GULP1: variants seen among roughly 807,000 people sequenced by gnomAD.
GULP1 encodes the protein GULP PTB domain containing engulfment adaptor 1, also known as PTB domain-containing engulfment adapter protein 1.
Under a neutral mutation model 40.9 loss-of-function variants are expected in GULP1, and 19 were observed. The observed-to-expected ratio is 0.46, with a 90% CI of 0.32 to 0.68. The LOEUF is 0.68. Ranked by LOEUF, GULP1 falls within the 30% of genes least tolerant of loss-of-function variation. The pLI, the probability that GULP1 is intolerant of heterozygous loss-of-function variation, is 0.03. For synonymous variants in GULP1, 119 were observed against 117.6 expected (o/e 1.01, Z -0.08); for missense variants, 312 against 362.2 (o/e 0.86, Z 1.12).
chr2:188,294,865 T>C, intron 1 of GULP1, among the ~76,000 whole-genome samples: 1 of 152,196 alleles, frequency 6.6e-6, no homozygotes, highest in Non-Finnish European at 1.5e-5. Flanking sequence ...GCTGACTCAG[T>C]TGAGTTTATG....
chr2:188,365,078 C>G (rs1294546126), intron 1 of GULP1, among the ~76,000 whole-genome samples: 1 of 152,094 alleles, frequency 6.6e-6, no homozygotes, highest in African/African-American at 2.4e-5. Context: ...CTGTTTACAT[C>G]TGTACCAGTG....
chr2:188,484,949 A>G (rs1353252639), intron 4 of GULP1, among the ~76,000 whole-genome samples: 9 of 152,158 alleles, frequency 5.9e-5, no homozygotes, highest in Admixed American at 5.9e-4. Context: ...TGAAAAGTTT[A>G]GTTAACTGAA....
chr2:188,564,535 C>G (rs1454304942), intron 7 of GULP1, among the ~76,000 whole-genome samples: 1 of 151,810 alleles, frequency 6.6e-6, no homozygotes, highest in Non-Finnish European at 1.5e-5. Context: ...GCCCTCTATA[C>G]TGAAATCTTC....
chr2:188,389,942 G>T (rs2050286813), intron 2 of GULP1, among the ~76,000 whole-genome samples: 1 of 151,876 alleles, frequency 6.6e-6, no homozygotes. Flanking sequence ...TGCTGCAAAA[G>T]ACATTATTTC....
intron 1 of GULP1, among the ~76,000 whole-genome samples, chr2:188,379,578 C>T (rs1279553133): frequency 2.6e-5 from 4 of 152,040 alleles, no homozygotes; most frequent in East Asian, 1.9e-4. Flanking sequence ...TCTTCAGAGC[C>T]GCCTTGGCAA....
intron 2 of GULP1, among the ~76,000 whole-genome samples, chr2:188,423,390 G>A (rs1202641044): frequency 6.6e-6 from 1 of 151,898 alleles, no homozygotes; most frequent in Admixed American, 6.6e-5. Flanking sequence ...GGTAATGATA[G>A]TGAGAATTAA....
At chr2:188,480,673 T>C (rs1217612030) in intron 3 of GULP1, among the ~76,000 whole-genome samples, 1 of 151,760 alleles carries the variant, frequency 6.6e-6, no homozygotes, top group Non-Finnish European at 1.5e-5. Context: ...TGTCTTTGTT[T>C]TAGATTTTTT....
intron 2 of GULP1, among the ~76,000 whole-genome samples, chr2:188,443,348 C>T (rs1393589961): frequency 6.6e-6 from 1 of 152,114 alleles, no homozygotes; most frequent in Non-Finnish European, 1.5e-5. Context: ...TTTATTTTAC[C>T]TCCTGATTCG....
At chr2:188,312,347 C>G (rs2038311072) in intron 1 of GULP1, among the ~76,000 whole-genome samples, 1 of 152,022 alleles carries the variant, frequency 6.6e-6, no homozygotes, top group Non-Finnish European at 1.5e-5. Flanking sequence ...GTGTTGTTCC[C>G]TTCTCTGTGT....
chr2:188,404,806 G>T (rs1354234795), intron 2 of GULP1, among the ~76,000 whole-genome samples: 1 of 152,128 alleles, frequency 6.6e-6, no homozygotes, highest in Non-Finnish European at 1.5e-5. Context: ...CAGGCTGCAG[G>T]CCCACCCTAG....
At chr2:188,582,254 A>G (rs1251371249) in intron 9 of GULP1, 2 of 404,900 alleles carry the variant, frequency 4.9e-6, no homozygotes, top group African/African-American at 2.1e-5. Context: ...ACAAAACACC[A>G]TTTTACAAAT....
chr2:188,586,326 C>T (rs757463415), intron 10 of GULP1, among the ~76,000 whole-genome samples: 16 of 152,240 alleles, frequency 1.1e-4, no homozygotes, highest in Admixed American at 3.9e-4. Flanking sequence ...CCTTTTACAA[C>T]GGGACATGTT....
At chr2:188,559,133 A>G (rs1394700425) in intron 7 of GULP1, among the ~76,000 whole-genome samples, 1 of 152,238 alleles carries the variant, frequency 6.6e-6, no homozygotes, top group Non-Finnish European at 1.5e-5. Flanking sequence ...TCTTCACAGC[A>G]GTCCCTCCCA....
intron 1 of GULP1, among the ~76,000 whole-genome samples, chr2:188,298,666 T>C (rs542935677): frequency 3.9e-5 from 6 of 152,312 alleles, no homozygotes; most frequent in African/African-American, 1.4e-4. Context: ...CTAATGTCTT[T>C]AGTCATTTTA....
At chr2:188,492,285 G>A (rs1191001702) in intron 4 of GULP1, among the ~76,000 whole-genome samples, 1 of 152,058 alleles carries the variant, frequency 6.6e-6, no homozygotes. Flanking sequence ...AACACAATAT[G>A]TGCTAATTAT....
chr2:188,570,266 A>C (rs977297425), intron 9 of GULP1, 146 bp downstream of exon 9: 2 of 521,916 alleles, frequency 3.8e-6, no homozygotes, highest in Admixed American at 8.4e-5. Flanking sequence ...TAAGCAGTTT[A>C]ATTTAAAACT....
intron 4 of GULP1, among the ~76,000 whole-genome samples, chr2:188,489,986 AAACTAT>A (rs2062207267): frequency 6.6e-6 from 1 of 152,138 alleles, no homozygotes; most frequent in Non-Finnish European, 1.5e-5. Context: ...TCATCATTAC[AAACTAT>A]AATTCTACAT....
chr2:188,385,394 G>A (rs533234783), intron 2 of GULP1, among the ~76,000 whole-genome samples: 18 of 152,202 alleles, frequency 1.2e-4, no homozygotes, highest in African/African-American at 4.3e-4. Flanking sequence ...CCTAGACTTC[G>A]TAAAGCAGAG....
chr2:188,364,699 ATG>A (rs144008194), intron 1 of GULP1, among the ~76,000 whole-genome samples: 2,689 of 132,614 alleles, frequency 0.02, 80 homozygotes, highest in African/African-American at 0.068. Flanking sequence ...TGGGATATGT[ATG>A]TGTGTGTGTG....
Sources: gnomAD v4.1 joint callset for allele counts (sites outside exome capture counted in the v4.1 genomes callset) on GRCh38, gnomAD v4.1.1 for gene constraint, MANE v1.5 for transcripts, NCBI Gene and HGNC (gene_info 2026-07-23, HGNC 2026-07-21) for gene names.